Variants in PGBD5 observed in about 807,000 individuals in gnomAD.
PGBD5 encodes the protein piggyBac transposable element derived 5.
In PGBD5, 14 loss-of-function variants were observed where a neutral mutation model predicts 47.9. The observed-to-expected ratio is 0.29, with a 90% CI of 0.19 to 0.46. The LOEUF (loss-of-function observed/expected upper bound fraction) is 0.46, where lower values mean the gene tolerates loss of function less well. Among genes scored for constraint, PGBD5 ranks in the 20% least tolerant of loss-of-function variants. The probability of loss-of-function intolerance (pLI) is 1.00; values close to 1 mark genes in which losing one functional copy is unlikely to be tolerated. For missense variants in PGBD5, 635 were observed against 716.0 expected (o/e 0.89, Z 1.29); for synonymous variants, 316 against 306.3 (o/e 1.03, Z -0.33).
chr1:230,393,054 G>A (rs1571855157), intron 1 of PGBD5, among the ~76,000 whole-genome samples: 1 of 149,702 alleles, frequency 6.7e-6, no homozygotes, highest in Non-Finnish European at 1.5e-5. Flanking sequence ...GAAAAGAGGA[G>A]AGGGATAGGA....
chr1:230,344,099 C>T (rs1331346819), intron 3 of PGBD5, among the ~76,000 whole-genome samples: 1 of 152,202 alleles, frequency 6.6e-6, no homozygotes, highest in African/African-American at 2.4e-5. Flanking sequence ...TCCTGGCTAA[C>T]ACAGTGAAAC....
intron 3 of PGBD5, among the ~76,000 whole-genome samples, chr1:230,340,414 T>A (rs1355883743): frequency 6.6e-6 from 1 of 152,136 alleles, no homozygotes; most frequent in Non-Finnish European, 1.5e-5. Flanking sequence ...ATGTTCACAA[T>A]ATCCTTGTAA....
At chr1:230,334,969 T>C (rs1291890680) in intron 4 of PGBD5, among the ~76,000 whole-genome samples, 1 of 148,900 alleles carries the variant, frequency 6.7e-6, no homozygotes, top group Non-Finnish European at 1.5e-5. Flanking sequence ...CCCGGGATAG[T>C]CCTCTAGCAT....
intron 1 of PGBD5, among the ~76,000 whole-genome samples, chr1:230,368,722 G>C (rs1667881792): frequency 1.3e-5 from 2 of 152,238 alleles, no homozygotes; most frequent in Admixed American, 1.3e-4. Flanking sequence ...CCTGGGCCAG[G>C]TCTAGGGTGA....
At chr1:230,368,557 G>A (rs1667879010) in intron 1 of PGBD5, among the ~76,000 whole-genome samples, 1 of 152,232 alleles carries the variant, frequency 6.6e-6, no homozygotes, top group African/African-American at 2.4e-5. Flanking sequence ...GAATGAGTGG[G>A]GAAATGAAAT....
At chr1:230,387,106 A>G (rs1212826987) in intron 1 of PGBD5, among the ~76,000 whole-genome samples, 1 of 152,188 alleles carries the variant, frequency 6.6e-6, no homozygotes, top group Non-Finnish European at 1.5e-5. Flanking sequence ...TGGAGCTGGA[A>G]GCACTTCTCT....
intron 1 of PGBD5, among the ~76,000 whole-genome samples, chr1:230,387,506 G>A (rs74146007): frequency 6.6e-6 from 1 of 152,288 alleles, no homozygotes; most frequent in Admixed American, 6.5e-5. Flanking sequence ...GGCCAGGCTG[G>A]GGGGAGGCTC....
chr1:230,356,779 G>T, intron 2 of PGBD5, 115 bp downstream of exon 2: 1 of 1,098,416 alleles, frequency 9.1e-7, no homozygotes, highest in Non-Finnish European at 1.3e-6. Flanking sequence ...ACCTTGAAGT[G>T]AACTCAGAGG....
intron 1 of PGBD5, among the ~76,000 whole-genome samples, chr1:230,371,531 A>G (rs1667928917): frequency 6.6e-6 from 1 of 152,230 alleles, no homozygotes; most frequent in South Asian, 2.1e-4. Context: ...TGCTTAAAAG[A>G]GCAGACGAGC....
At chr1:230,364,691 GA>G (rs1667800692) in intron 1 of PGBD5, among the ~76,000 whole-genome samples, 1 of 152,240 alleles carries the variant, frequency 6.6e-6, no homozygotes, top group Non-Finnish European at 1.5e-5. Flanking sequence ...CAGGAAATAT[GA>G]ACCATAGAAT....
chr1:230,332,052 C>CACACACACACCATACCCAT (rs1558191335), intron 5 of PGBD5, among the ~76,000 whole-genome samples: 1 of 142,464 alleles, frequency 7.0e-6, no homozygotes, highest in Non-Finnish European at 1.5e-5. Flanking sequence ...ACAGCACACA[C>CACACACACACCATACCCAT]AACATGCCAG....
chr1:230,356,698 CTAT>C (rs977443063), intron 2 of PGBD5, among the ~76,000 whole-genome samples, 193 bp downstream of exon 2: 5 of 152,118 alleles, frequency 3.3e-5, no homozygotes, highest in Admixed American at 2.6e-4. Context: ...AAGGCTGGAG[CTAT>C]TATTATTACT....
At chr1:230,385,902 C>G (rs1656626377) in intron 1 of PGBD5, among the ~76,000 whole-genome samples, 1 of 152,170 alleles carries the variant, frequency 6.6e-6, no homozygotes, top group Non-Finnish European at 1.5e-5. Context: ...CTGCAGATTC[C>G]CAGGCCCCAC....
At chr1:230,423,809 C>T (rs1052310610) in intron 1 of PGBD5, among the ~76,000 whole-genome samples, 4 of 152,152 alleles carry the variant, frequency 2.6e-5, no homozygotes, top group African/African-American at 9.7e-5. Context: ...GGACCTGATT[C>T]TTCGGTCCAG....
chr1:230,410,188 A>C (rs888230910), intron 1 of PGBD5, among the ~76,000 whole-genome samples: 3 of 152,200 alleles, frequency 2.0e-5, no homozygotes, highest in Admixed American at 6.5e-5. Flanking sequence ...GGTATTACTA[A>C]ATGCATGGTT....
chr1:230,421,062 C>T (rs1170792428), intron 1 of PGBD5, among the ~76,000 whole-genome samples: 1 of 152,118 alleles, frequency 6.6e-6, no homozygotes, highest in Non-Finnish European at 1.5e-5. Context: ...TAGGTTAGAC[C>T]TCACCACCTG....
intron 1 of PGBD5, among the ~76,000 whole-genome samples, chr1:230,407,348 T>C (rs1403881264): frequency 6.6e-6 from 1 of 152,220 alleles, no homozygotes; most frequent in Non-Finnish European, 1.5e-5. Flanking sequence ...AGTTAGAAGA[T>C]GAAGAATTGC....
intron 1 of PGBD5, among the ~76,000 whole-genome samples, chr1:230,421,277 T>C (rs1332719422): frequency 6.6e-6 from 1 of 152,058 alleles, no homozygotes; most frequent in Non-Finnish European, 1.5e-5. Flanking sequence ...ATTACACAAA[T>C]CATGAGTTAA....
At chr1:230,402,444 T>C (rs914273446) in intron 1 of PGBD5, among the ~76,000 whole-genome samples, 1 of 152,240 alleles carries the variant, frequency 6.6e-6, no homozygotes, top group African/African-American at 2.4e-5. Flanking sequence ...TTTTATTTTA[T>C]AGACAGGGTC....
Sources: gnomAD v4.1 joint callset for allele counts (sites outside exome capture counted in the v4.1 genomes callset) on GRCh38, gnomAD v4.1.1 for gene constraint, MANE v1.5 for transcripts, NCBI Gene and HGNC (gene_info 2026-07-23, HGNC 2026-07-21) for gene names.